ADAD1: variants seen among roughly 807,000 people sequenced by gnomAD.
The protein encoded by ADAD1 is adenosine deaminase domain containing 1.
A neutral mutation model predicts 66.8 loss-of-function variants in ADAD1; 46 were observed. That is an observed-to-expected ratio of 0.69 (90% confidence interval 0.54 to 0.88). The LOEUF (loss-of-function observed/expected upper bound fraction) is 0.88, where lower values mean the gene tolerates loss of function less well. Among genes scored for constraint, ADAD1 ranks in the 40% least tolerant of loss-of-function variants. The pLI, the probability that ADAD1 is intolerant of heterozygous loss-of-function variation, is 0.00. For synonymous variants in ADAD1, 248 were observed against 229.4 expected (o/e 1.08, Z -0.73); for missense variants, 617 against 681.8 (o/e 0.91, Z 1.06).
intron 5 of ADAD1, among the ~76,000 whole-genome samples, chr4:122,384,952 T>C (rs1457388349): frequency 6.6e-6 from 1 of 152,210 alleles, no homozygotes; most frequent in Admixed American, 6.5e-5. Flanking sequence ...TAAAAGTTCT[T>C]TAACGATATA....
At chr4:122,408,613 A>G (rs1202671042) in intron 8 of ADAD1, among the ~76,000 whole-genome samples, 1 of 152,176 alleles carries the variant, frequency 6.6e-6, no homozygotes, top group East Asian at 1.9e-4. Flanking sequence ...AGCTGGGCAT[A>G]GTAGCTCTCA....
chr4:122,407,466 G>T (rs1580780323), intron 7 of ADAD1, among the ~76,000 whole-genome samples: 1 of 152,198 alleles, frequency 6.6e-6, no homozygotes, highest in East Asian at 1.9e-4. Context: ...AGCTTCAGTA[G>T]AACAGAGAAA....
At chr4:122,410,749 C>G (rs1796430362) in intron 8 of ADAD1, among the ~76,000 whole-genome samples, 1 of 152,056 alleles carries the variant, frequency 6.6e-6, no homozygotes, top group South Asian at 2.1e-4. Context: ...TTGTATTGTT[C>G]CTATGCTCTT....
At chr4:122,394,811 G>A (rs954216791) in intron 6 of ADAD1, among the ~76,000 whole-genome samples, 4 of 152,180 alleles carry the variant, frequency 2.6e-5, no homozygotes, top group Non-Finnish European at 5.9e-5. Context: ...CAGGAAAACA[G>A]GTGATAATCT....
intron 7 of ADAD1, among the ~76,000 whole-genome samples, chr4:122,397,144 A>G (rs2150556034): frequency 6.6e-6 from 1 of 152,306 alleles, no homozygotes; most frequent in South Asian, 2.1e-4. Flanking sequence ...ACTGCAGGAC[A>G]ATGAGGTAAA....
chr4:122,382,277 A>G (rs186524370), intron 4 of ADAD1, among the ~76,000 whole-genome samples: 4 of 152,314 alleles, frequency 2.6e-5, no homozygotes, highest in East Asian at 3.9e-4. Flanking sequence ...TTTATGCTCA[A>G]AGTATATAGT....
chr4:122,405,231 A>C (rs1796153734), intron 7 of ADAD1, among the ~76,000 whole-genome samples: 1 of 152,154 alleles, frequency 6.6e-6, no homozygotes, highest in Admixed American at 6.5e-5. Flanking sequence ...CTTTGCTTTC[A>C]TCTCTTCAGT....
intron 8 of ADAD1, among the ~76,000 whole-genome samples, chr4:122,411,019 A>G (rs1796443170): frequency 6.6e-6 from 1 of 152,180 alleles, no homozygotes; most frequent in Non-Finnish European, 1.5e-5. Context: ...AAGTCAGGTT[A>G]CAGGGCAGAC....
intron 11 of ADAD1, among the ~76,000 whole-genome samples, chr4:122,418,311 T>C (rs371667960): frequency 3.2e-4 from 39 of 120,200 alleles, no homozygotes; most frequent in Non-Finnish European, 5.2e-4. Flanking sequence ...ATTTTCTTTT[T>C]TTTTTTTTTT....
intron 7 of ADAD1, among the ~76,000 whole-genome samples, chr4:122,401,807 T>G (rs1795995225): frequency 6.6e-6 from 1 of 152,182 alleles, no homozygotes; most frequent in South Asian, 2.1e-4. Context: ...GATATAAGAA[T>G]AGCTACTCCT....
intron 5 of ADAD1, among the ~76,000 whole-genome samples, chr4:122,387,577 T>G (rs1037263139): frequency 1.3e-5 from 2 of 152,034 alleles, no homozygotes; most frequent in African/African-American, 4.8e-5. Context: ...AAAACTATGT[T>G]GAATAGGAGT....
chr4:122,427,357 T>A (rs187927599), intron 12 of ADAD1, among the ~76,000 whole-genome samples: 1 of 152,230 alleles, frequency 6.6e-6, no homozygotes, highest in East Asian at 1.9e-4. Context: ...GAAGGAGACC[T>A]AAGTAAATGG....
chr4:122,411,099 TC>T, intron 8 of ADAD1, 122 bp from the exon 9 acceptor site: 1 of 744,350 alleles, frequency 1.3e-6, no homozygotes, highest in African/African-American at 1.8e-5. Flanking sequence ...ATTTAGGAGT[TC>T]TTACCTGTGT....
At position 122,412,753 on chromosome 4, in the gene ADAD1, A is replaced by G. The variant is rs1451614502; in HGVS notation, c.1193A>G (p.Gln398Arg). The G allele has an allele frequency of 6.2e-7, 1 of 1,613,924 alleles. No individual in the cohort carries two copies. The highest frequency in any genetic ancestry group is 8.5e-7 in the Non-Finnish European group (1 of 1,179,806). Residue 398 changes from glutamine (Q) to arginine (R), a missense_variant, in exon 10 of 13, where the codon CAG becomes CGG. Transcript: ENST00000296513. Reference sequence around the variant, plus strand: ...ACCAGATGGGAAGTGCTTGGTGTACAGGGAGCATTGCTGAGTCATTTTATA... The same window carrying G: ...ACCAGATGGGAAGTGCTTGGTGTACGGGGAGCATTGCTGAGTCATTTTATA... ...KLTRWEVLGV[Q>R]GALLSHFIQP...
At chr4:122,425,076 G>C (rs1239088245) in intron 12 of ADAD1, among the ~76,000 whole-genome samples, 1 of 152,054 alleles carries the variant, frequency 6.6e-6, no homozygotes, top group Non-Finnish European at 1.5e-5. Context: ...TGATGGAATT[G>C]TAAAGTAAAA....
intron 7 of ADAD1, among the ~76,000 whole-genome samples, chr4:122,405,758 A>C (rs1304487751): frequency 6.6e-6 from 1 of 152,106 alleles, no homozygotes; most frequent in African/African-American, 2.4e-5. Context: ...TCTAACCGCT[A>C]GTAACCACCA....
intron 7 of ADAD1, 97 bp from the exon 8 acceptor site, chr4:122,407,811 A>G: frequency 2.3e-6 from 3 of 1,280,054 alleles, no homozygotes; most frequent in Non-Finnish European, 3.1e-6. Flanking sequence ...CAGTTAATAT[A>G]TTCTACTAAA....
intron 11 of ADAD1, among the ~76,000 whole-genome samples, chr4:122,418,599 G>A (rs1796863352): frequency 6.6e-6 from 1 of 152,108 alleles, no homozygotes; most frequent in Non-Finnish European, 1.5e-5. Flanking sequence ...TGGGATTACA[G>A]GCGTGAGCCA....
chr4:122,379,832 T>C (rs113341592), intron 2 of ADAD1: 1 of 437,462 alleles, frequency 2.3e-6, no homozygotes, highest in East Asian at 3.7e-5. Flanking sequence ...GTTCCTTCTT[T>C]CCTCCTTTGT....
Sources: allele counts gnomAD v4.1 joint callset (sites outside exome capture counted in the v4.1 genomes callset), GRCh38; gene constraint gnomAD v4.1.1; transcripts MANE v1.5; gene names NCBI Gene and HGNC (gene_info 2026-07-23, HGNC 2026-07-21).